GNAQ: variants seen among roughly 807,000 people sequenced by gnomAD.
GNAQ encodes the protein G protein subunit alpha q, also known as guanine nucleotide-binding protein G(q) subunit alpha.
GNAQ carries 8 observed loss-of-function variants against 43.9 expected under a neutral mutation model. The observed-to-expected ratio is 0.18, with a 90% confidence interval of 0.11 to 0.33. The LOEUF is 0.33. Among genes scored for constraint, GNAQ ranks in the 10% least tolerant of loss-of-function variants. GNAQ has a pLI of 1.00. For missense variants in GNAQ, 158 were observed against 450.8 expected (o/e 0.35, Z 5.88); for synonymous variants, 155 against 170.7 (o/e 0.91, Z 0.71).
chr9:77,846,544 A>G (rs1421837678), intron 2 of GNAQ, among the ~76,000 whole-genome samples: 2 of 152,218 alleles, frequency 1.3e-5, no homozygotes, highest in Non-Finnish European at 2.9e-5. Context: ...GACCTCTTCA[A>G]AAGAACAACA....
chr9:77,961,160 T>C (rs1033001125), intron 1 of GNAQ, among the ~76,000 whole-genome samples: 2 of 152,146 alleles, frequency 1.3e-5, no homozygotes, highest in African/African-American at 4.8e-5. Context: ...CATTCACTTA[T>C]AAAATGGGGG....
intron 2 of GNAQ, among the ~76,000 whole-genome samples, chr9:77,816,550 G>A (rs538241506): frequency 2.8e-3 from 426 of 152,096 alleles, no homozygotes; most frequent in Non-Finnish European, 4.8e-3. Flanking sequence ...CGGAATACAC[G>A]ACTGCCTAAC....
chr9:77,782,611 T>C lies in GNAQ; in HGVS notation c.735+11852A>G, dbSNP rs145287186. On this transcript the variant is annotated intron_variant, in intron 5 of 6. Coordinates refer to ENST00000286548, the MANE Select transcript of GNAQ (RefSeq NM_002072.5). ...CAGTTTCCCTTAAAAAAACTAAACATACTCTTACCATATAATCCAGCAATC... is the reference window on the plus strand; with the variant it reads ...CAGTTTCCCTTAAAAAAACTAAACACACTCTTACCATATAATCCAGCAATC... Among the ~76,000 whole-genome samples, 3 of 152,268 alleles carry C rather than the reference T, an allele frequency of 2.0e-5. No individual in the cohort carries two copies. The East Asian group carries it at 5.8e-4, about 29-fold the overall frequency.
At chr9:77,909,677 A>G (rs1292373680) in intron 2 of GNAQ, among the ~76,000 whole-genome samples, 2 of 151,226 alleles carry the variant, frequency 1.3e-5, no homozygotes, top group Non-Finnish European at 2.9e-5. Context: ...AAATAACACA[A>G]GATAGTAAAA....
chr9:77,968,477 A>G (rs1587436836), intron 1 of GNAQ, among the ~76,000 whole-genome samples: 1 of 152,248 alleles, frequency 6.6e-6, no homozygotes, highest in African/African-American at 2.4e-5. Flanking sequence ...TTTACCATAC[A>G]GTTTCCTTCC....
At chr9:77,839,576 A>C (rs1046946002) in intron 2 of GNAQ, among the ~76,000 whole-genome samples, 6 of 152,366 alleles carry the variant, frequency 3.9e-5, no homozygotes, top group Admixed American at 3.3e-4. Context: ...TGTGGTACTG[A>C]AATCCTCATG....
At chr9:77,921,639 G>A (rs1449845825) in intron 2 of GNAQ, among the ~76,000 whole-genome samples, 3 of 152,192 alleles carry the variant, frequency 2.0e-5, no homozygotes, top group East Asian at 1.9e-4. Flanking sequence ...AGGGAAATGC[G>A]TTGGAAAGGT....
intron 2 of GNAQ, among the ~76,000 whole-genome samples, chr9:77,830,140 G>A (rs1827273929): frequency 6.6e-6 from 1 of 151,976 alleles, no homozygotes; most frequent in African/African-American, 2.4e-5. Flanking sequence ...TTTTTGTTGA[G>A]ACAAGATCTC....
At chr9:77,963,565 G>C (rs1262163300) in intron 1 of GNAQ, among the ~76,000 whole-genome samples, 1 of 152,128 alleles carries the variant, frequency 6.6e-6, no homozygotes, top group Non-Finnish European at 1.5e-5. Flanking sequence ...CAAAGCAATG[G>C]CTACGAAGAG....
intron 2 of GNAQ, among the ~76,000 whole-genome samples, chr9:77,881,099 G>A (rs1383338953): frequency 6.6e-6 from 1 of 152,050 alleles, no homozygotes; most frequent in East Asian, 1.9e-4. Flanking sequence ...ACTTCATTCT[G>A]TATATGTCCC....
chr9:77,857,659 G>A (rs147738770), intron 2 of GNAQ, among the ~76,000 whole-genome samples: 1 of 58,028 alleles, frequency 1.7e-5, no homozygotes, highest in African/African-American at 5.5e-5. Context: ...AAGGAGGGAA[G>A]GAGGGGAAGG....
intron 2 of GNAQ, among the ~76,000 whole-genome samples, chr9:77,829,251 C>T (rs920416338): frequency 4.6e-5 from 7 of 152,162 alleles, no homozygotes; most frequent in African/African-American, 1.2e-4. Context: ...ATGAAAGCTA[C>T]GAATGCTTAC....
chr9:77,829,077 G>A (rs1008684444), intron 2 of GNAQ, among the ~76,000 whole-genome samples: 5 of 152,098 alleles, frequency 3.3e-5, no homozygotes, highest in African/African-American at 1.2e-4. Flanking sequence ...AAGAGCTGCT[G>A]GGGCCATTCA....
chr9:77,803,597 G>T (rs1264879935), intron 3 of GNAQ, among the ~76,000 whole-genome samples: 1 of 152,142 alleles, frequency 6.6e-6, no homozygotes, highest in Non-Finnish European at 1.5e-5. Flanking sequence ...ACATATTTTG[G>T]CCATGACATT....
intron 2 of GNAQ, among the ~76,000 whole-genome samples, chr9:77,840,685 A>G (rs1240146014): frequency 2.0e-5 from 3 of 152,168 alleles, no homozygotes; most frequent in African/African-American, 7.2e-5. Flanking sequence ...CTTACATCTG[A>G]ATCAAATACT....
chr9:77,873,381 C>G (rs2118036232), intron 2 of GNAQ, among the ~76,000 whole-genome samples: 1 of 152,244 alleles, frequency 6.6e-6, no homozygotes, highest in Non-Finnish European at 1.5e-5. Context: ...AGGCTAATAG[C>G]AAAAATGCCT....
At chr9:77,722,800 G>A (rs552347231) in intron 6 of GNAQ, among the ~76,000 whole-genome samples, 2 of 152,052 alleles carry the variant, frequency 1.3e-5, no homozygotes, top group Admixed American at 6.6e-5. Flanking sequence ...GAAACTATAG[G>A]TGCCACCAAG....
At chr9:77,964,278 CAAT>C (rs1190205195) in intron 1 of GNAQ, among the ~76,000 whole-genome samples, 1 of 152,024 alleles carries the variant, frequency 6.6e-6, no homozygotes, top group African/African-American at 2.4e-5. Context: ...GAGAAGCAAA[CAAT>C]GATGGAACTG....
At chr9:78,025,992 T>C (rs1289105296) in intron 1 of GNAQ, among the ~76,000 whole-genome samples, 1 of 152,170 alleles carries the variant, frequency 6.6e-6, no homozygotes, top group Non-Finnish European at 1.5e-5. Flanking sequence ...GTAATAAAAA[T>C]CGTAACTGTT....
Sources: gnomAD v4.1 joint callset for allele counts (sites outside exome capture counted in the v4.1 genomes callset) on GRCh38, gnomAD v4.1.1 for gene constraint, MANE v1.5 for transcripts, NCBI Gene and HGNC (gene_info 2026-07-23, HGNC 2026-07-21) for gene names.